The following PSD3 variants were observed in gnomAD, a reference collection of about 807,000 sequenced individuals.
The protein encoded by PSD3 is pleckstrin and Sec7 domain containing 3.
PSD3 carries 49 observed loss-of-function variants against 105.5 expected under a neutral mutation model. That is an observed-to-expected ratio of 0.46 (90% CI 0.37 to 0.59). The LOEUF (loss-of-function observed/expected upper bound fraction) is 0.59. PSD3 is among the 20% of genes least tolerant of loss of function. The pLI is 0.00. For synonymous variants in PSD3, 557 were observed against 457.8 expected, an observed-to-expected ratio of 1.22 and a Z score of -2.77; for missense variants, 1,561 against 1,263.8, an observed-to-expected ratio of 1.24 and a Z score of -3.57.
chr8:19,019,620 C>G (rs1827297041), intron 1 of PSD3, among the ~76,000 whole-genome samples: 2 of 151,570 alleles, frequency 1.3e-5, no homozygotes, highest in African/African-American at 4.9e-5. Flanking sequence ...AGAACTGTGC[C>G]TGGTCTGTAG....
chr8:18,556,541 G>C (rs1801085997), intron 14 of PSD3, among the ~76,000 whole-genome samples, 189 bp from the exon 15 acceptor site: 1 of 152,104 alleles, frequency 6.6e-6, no homozygotes, highest in South Asian at 2.1e-4. Flanking sequence ...TCCTTCCCGG[G>C]ATGGCAATCA....
intron 2 of PSD3, among the ~76,000 whole-genome samples, chr8:18,899,267 C>A (rs1211410410): frequency 6.6e-6 from 1 of 152,172 alleles, no homozygotes; most frequent in African/African-American, 2.4e-5. Flanking sequence ...AATCCTTCCT[C>A]ACCACCCCTC....
intron 9 of PSD3, among the ~76,000 whole-genome samples, chr8:18,708,609 G>C (rs1016186329): frequency 3.9e-5 from 6 of 151,960 alleles, no homozygotes; most frequent in Admixed American, 1.3e-4. Flanking sequence ...TCATGACCCA[G>C]TACATAAAAG....
At chr8:18,769,644 C>G (rs1563245175) in intron 8 of PSD3, among the ~76,000 whole-genome samples, 1 of 152,206 alleles carries the variant, frequency 6.6e-6, no homozygotes, top group African/African-American at 2.4e-5. Context: ...TTCCACCACC[C>G]TCACTAGGGA....
At chr8:18,635,846 G>A (rs1362761430) in intron 10 of PSD3, among the ~76,000 whole-genome samples, 1 of 139,392 alleles carries the variant, frequency 7.2e-6, no homozygotes, top group African/African-American at 2.7e-5. Context: ...AGAACATTTG[G>A]ACACAAGGAG....
At chr8:18,595,822 C>T (rs537044848) in intron 12 of PSD3, among the ~76,000 whole-genome samples, 3 of 151,944 alleles carry the variant, frequency 2.0e-5, no homozygotes, top group South Asian at 4.2e-4. Context: ...ATTTCCACTC[C>T]CCACTCTCTA....
chr8:19,040,035 C>A (rs924472174), intron 1 of PSD3, among the ~76,000 whole-genome samples: 1 of 151,916 alleles, frequency 6.6e-6, no homozygotes, highest in Non-Finnish European at 1.5e-5. Context: ...TGGGCACCAA[C>A]CTAAATGAAT....
chr8:18,615,426 T>G (rs555703785), intron 11 of PSD3, among the ~76,000 whole-genome samples: 2 of 152,176 alleles, frequency 1.3e-5, no homozygotes, highest in South Asian at 4.2e-4. Context: ...TTCCCCTCCC[T>G]TGTCCAAGTA....
chr8:18,792,870 T>A (rs1809852205), intron 8 of PSD3, among the ~76,000 whole-genome samples: 1 of 152,214 alleles, frequency 6.6e-6, no homozygotes, highest in African/African-American at 2.4e-5. Flanking sequence ...TAAAGACACA[T>A]GCACACTTAT....
chr8:18,602,750 T>C (rs967704122), intron 11 of PSD3, among the ~76,000 whole-genome samples: 3 of 152,122 alleles, frequency 2.0e-5, no homozygotes, highest in Admixed American at 6.5e-5. Flanking sequence ...GAAGGCTCTC[T>C]AGAGCAGGTG....
At chr8:18,924,997 C>A (rs73666755) in intron 2 of PSD3, among the ~76,000 whole-genome samples, 1 of 152,052 alleles carries the variant, frequency 6.6e-6, no homozygotes, top group Admixed American at 6.5e-5. Context: ...AAATTAAAAC[C>A]TTTTGTACTA....
intron 1 of PSD3, among the ~76,000 whole-genome samples, chr8:19,053,318 C>T (rs1002475938): frequency 2.0e-5 from 3 of 152,092 alleles, no homozygotes; most frequent in African/African-American, 7.2e-5. Flanking sequence ...ACTGCGTCCC[C>T]TGCCCCCTGC....
intron 8 of PSD3, among the ~76,000 whole-genome samples, chr8:18,783,599 T>A (rs546114481): frequency 2.0e-5 from 3 of 152,224 alleles, no homozygotes; most frequent in Admixed American, 6.5e-5. Flanking sequence ...TCATCAGCTG[T>A]ATACCATAAG....
chr8:18,920,856 T>C (rs1820964911), intron 2 of PSD3, among the ~76,000 whole-genome samples: 1 of 152,098 alleles, frequency 6.6e-6, no homozygotes, highest in Admixed American at 6.5e-5. Flanking sequence ...TACCCAACCA[T>C]TCAACCTCCC....
intron 2 of PSD3, among the ~76,000 whole-genome samples, chr8:18,927,799 T>C (rs1190970850): frequency 2.6e-5 from 4 of 152,200 alleles, no homozygotes; most frequent in Non-Finnish European, 4.4e-5. Context: ...GAAGACATCA[T>C]TGCGGACATT....
At chr8:18,986,749 A>G (rs1825514330) in intron 1 of PSD3, among the ~76,000 whole-genome samples, 1 of 152,136 alleles carries the variant, frequency 6.6e-6, no homozygotes, top group South Asian at 2.1e-4. Context: ...CCATTTGCAA[A>G]CTGGGTACAA....
intron 2 of PSD3, among the ~76,000 whole-genome samples, chr8:18,931,215 C>T (rs1821728380): frequency 6.6e-6 from 1 of 151,990 alleles, no homozygotes; most frequent in African/African-American, 2.4e-5. Flanking sequence ...GGATGTCCAA[C>T]ACACAATGTC....
At chr8:18,869,787 C>G (rs776983040) in intron 3 of PSD3, among the ~76,000 whole-genome samples, 1 of 152,212 alleles carries the variant, frequency 6.6e-6, no homozygotes, top group East Asian at 1.9e-4. Context: ...CTTTCCTTCA[C>G]AGAACCTAGC....
At chr8:18,556,765 T>A (rs6586756) in intron 14 of PSD3, among the ~76,000 whole-genome samples, 2 of 152,190 alleles carry the variant, frequency 1.3e-5, no homozygotes, top group Non-Finnish European at 1.5e-5. Context: ...TTTCCATCCA[T>A]CACAATGAAT....
Sources: gnomAD v4.1 joint callset for allele counts (sites outside exome capture counted in the v4.1 genomes callset) on GRCh38, gnomAD v4.1.1 for gene constraint, MANE v1.5 for transcripts, NCBI Gene and HGNC (gene_info 2026-07-23, HGNC 2026-07-21) for gene names.